MTAP: variants seen among roughly 807,000 people sequenced by gnomAD.
MTAP encodes methylthioadenosine phosphorylase, also known as S-methyl-5'-thioadenosine phosphorylase.
In MTAP, 33 loss-of-function variants were observed where a neutral mutation model predicts 33.6. That is an observed-to-expected ratio of 0.98 (90% confidence interval 0.74 to 1.31). The LOEUF (loss-of-function observed/expected upper bound fraction) is 1.31. MTAP is among the 40% of genes most tolerant of loss of function. MTAP has a pLI of 0.00. For missense variants in MTAP, 367 were observed against 360.0 expected, an observed-to-expected ratio of 1.02 and a Z score of -0.16; for synonymous variants, 148 against 125.7, an observed-to-expected ratio of 1.18 and a Z score of -1.19.
intron 5 of MTAP, among the ~76,000 whole-genome samples, chr9:21,842,695 GACAA>G (rs1156819521): frequency 1.3e-5 from 2 of 152,102 alleles, no homozygotes; most frequent in African/African-American, 2.4e-5. Context: ...GTCTTTTTCA[GACAA>G]ACAAATGCTG....
downstream of MTAP, chr9:21,935,130 A>G (rs1018808837): frequency 1.3e-5 from 2 of 152,234 alleles, no homozygotes; most frequent in African/African-American, 4.8e-5. Flanking sequence ...TCATAAGTCA[A>G]TTAAAATTAA....
At chr9:21,818,285 C>T (rs1292713307) in intron 4 of MTAP, 83 bp downstream of exon 4, 2 of 885,968 alleles carry the variant, frequency 2.3e-6, no homozygotes, top group Non-Finnish European at 3.4e-6. Flanking sequence ...ACCGGCAGGG[C>T]AACTGGGAGG....
intron 1 of MTAP, chr9:21,892,738 G>A (rs1818220085): frequency 6.6e-6 from 1 of 152,106 alleles, no homozygotes; most frequent in Admixed American, 6.6e-5. Context: ...AATTAACAAA[G>A]ATATTCAGGA....
chr9:21,858,451 A>G (rs10965165), intron 6 of MTAP, among the ~76,000 whole-genome samples: 31,394 of 152,102 alleles, frequency 0.21, 3,662 homozygotes, highest in Admixed American at 0.35. Context: ...GCTTCTGGGG[A>G]GGCCTCAGGA....
intron 1 of MTAP, among the ~76,000 whole-genome samples, chr9:21,926,623 T>A (rs1317828591): frequency 6.6e-6 from 1 of 152,184 alleles, no homozygotes; most frequent in African/African-American, 2.4e-5. Flanking sequence ...CCAGAGATGG[T>A]TCCAATTTGT....
Position 21,880,148 on chromosome 9 carries a change from G to T in MTAP, c.147+25278G>T, listed in dbSNP as rs1240463807. 3.3e-5 allele frequency among the ~76,000 whole-genome samples: 5 copies of T among 152,064 alleles called. No homozygotes were observed. In the East Asian group the frequency reaches 9.6e-4, roughly 29 times the overall value. On this transcript the variant is annotated intron_variant, in intron 1 of 1. Coordinates refer to the MTAP transcript ENST00000577563. Reference sequence around the variant, plus strand: ...TTTTAGAAAGTAATTAGGATTAGATGAAGTCATCAAGGTGGATCCCCCGTA... The same window carrying T: ...TTTTAGAAAGTAATTAGGATTAGATTAAGTCATCAAGGTGGATCCCCCGTA...
chr9:21,809,771 G>A (rs1824299476), intron 1 of MTAP, among the ~76,000 whole-genome samples: 1 of 152,224 alleles, frequency 6.6e-6, no homozygotes, highest in Non-Finnish European at 1.5e-5. Flanking sequence ...AATCCCTGAG[G>A]CCTGGGCTTT....
rs796686618 is a variant in MTAP at position 21,864,756 on chromosome 9, G to A, written c.*2742G>A. The A allele has an allele frequency of 8.1e-6, 8 of 985,374 alleles. No homozygotes were observed. The African/African-American group carries it at 1.2e-4, about 15-fold the overall frequency. The allele number at this position is 985,374 out of a possible 1,614,324, so 61.0% of individuals were successfully genotyped here. ...CAGTGAACTTCCTTGAAGAGGGAGT[G>A]ACTAAGGTGACCTCCAACCTGCCCT... On this transcript the variant is annotated 3_prime_UTR_variant, in exon 8 of 8. Coordinates refer to ENST00000644715, the MANE Select transcript of MTAP (RefSeq NM_002451.4).
chr9:21,899,493 A>G (rs991788227), intron 1 of MTAP, among the ~76,000 whole-genome samples: 1 of 152,090 alleles, frequency 6.6e-6, no homozygotes, highest in African/African-American at 2.4e-5. Flanking sequence ...GGTAATTTAT[A>G]AAGGAGAGAG....
intron 4 of MTAP, 115 bp downstream of exon 4, chr9:21,818,317 C>G: frequency 8.3e-6 from 2 of 240,490 alleles, no homozygotes; most frequent in Non-Finnish European, 7.1e-6. Flanking sequence ...GACTCGCTTG[C>G]TTTTTTTTTT....
chr9:21,880,919 T>G, intron 1 of MTAP, among the ~76,000 whole-genome samples: 1 of 151,932 alleles, frequency 6.6e-6, no homozygotes, highest in Admixed American at 6.6e-5. Context: ...ACTCTAAAAT[T>G]TCCATGAAAT....
At position 21,865,670 on chromosome 9, in the gene MTAP, A is replaced by G. The variant is rs1825841895; in HGVS notation, c.*3656A>G. The G allele has an allele frequency of 9.9e-7, 1 of 1,010,660 alleles. No homozygotes were observed. The highest frequency in any genetic ancestry group is 4.2e-5 in the South Asian group (1 of 23,632). The allele number at this position is 1,010,660 out of a possible 1,614,324, so 62.6% of individuals were successfully genotyped here. A position where few individuals can be genotyped will look rare whatever the true frequency, so the allele number is the denominator to read the frequency against. ...TGCCAAAGATCGAGGAAATCTACCAAGACTAGTAGGGTAGTCCAGAAGAAG... is the reference window on the plus strand; with the variant it reads ...TGCCAAAGATCGAGGAAATCTACCAGGACTAGTAGGGTAGTCCAGAAGAAG... On this transcript the variant is annotated 3_prime_UTR_variant, in exon 8 of 8. Coordinates refer to ENST00000644715, the MANE Select transcript of MTAP (RefSeq NM_002451.4).
At chr9:21,855,012 C>T (rs1825604363) in intron 6 of MTAP, 142 bp downstream of exon 6, 1 of 1,155,314 alleles carries the variant, frequency 8.7e-7, no homozygotes, top group Non-Finnish European at 1.2e-6. Context: ...TCTGTAGTTC[C>T]ATTGGAAGGT....
chr9:21,917,533 A>G (rs1189577074), intron 1 of MTAP, among the ~76,000 whole-genome samples: 4 of 152,236 alleles, frequency 2.6e-5, no homozygotes, highest in African/African-American at 7.2e-5. Context: ...AAATTAAACC[A>G]CAAAGAGTTA....
intron 5 of MTAP, among the ~76,000 whole-genome samples, chr9:21,849,611 C>G (rs1378053127): frequency 1.3e-5 from 2 of 152,166 alleles, no homozygotes; most frequent in Non-Finnish European, 2.9e-5. Context: ...ATTCGAGCTG[C>G]CTCTACCTAG....
downstream of MTAP, among the ~76,000 whole-genome samples, chr9:21,872,032 T>C (rs1468051181): frequency 6.6e-6 from 1 of 152,164 alleles, no homozygotes; most frequent in African/African-American, 2.4e-5. Context: ...GTATCTGCTC[T>C]CTGCCAGGCG....
chr9:21,869,167 A>G (rs544196155), downstream of MTAP, among the ~76,000 whole-genome samples: 1 of 152,206 alleles, frequency 6.6e-6, no homozygotes, highest in South Asian at 2.1e-4. Flanking sequence ...CTCATTTTTA[A>G]GCTTTTCATT....
intron 1 of MTAP, among the ~76,000 whole-genome samples, chr9:21,906,554 G>A (rs1818481925): frequency 6.6e-6 from 1 of 152,030 alleles, no homozygotes; most frequent in South Asian, 2.1e-4. Flanking sequence ...TACTAAGAGG[G>A]CCAGACAGAA....
intron 1 of MTAP, among the ~76,000 whole-genome samples, chr9:21,898,320 G>A (rs147799049): frequency 0.027 from 4,038 of 152,186 alleles, 168 homozygotes; most frequent in African/African-American, 0.09. Flanking sequence ...ACACAGGCAT[G>A]GGCAAGGACT....
Sources: allele counts gnomAD v4.1 joint callset (sites outside exome capture counted in the v4.1 genomes callset), GRCh38; gene constraint gnomAD v4.1.1; transcripts MANE v1.5; gene names NCBI Gene and HGNC (gene_info 2026-07-23, HGNC 2026-07-21).